ICE1: variants seen among roughly 807,000 people sequenced by gnomAD.
ICE1 encodes little elongation complex subunit 1.
A neutral mutation model predicts 192.7 loss-of-function variants in ICE1; 64 were observed. The ratio of observed to expected loss-of-function variants is 0.33; its 90% CI spans 0.27 to 0.41. ICE1 has a LOEUF of 0.41. Among genes scored for constraint, ICE1 ranks in the 10% least tolerant of loss-of-function variants. ICE1 has a pLI of 1.00. For missense variants in ICE1, 2,708 were observed against 2,696.0 expected (o/e 1.00, Z -0.10); for synonymous variants, 1,010 against 984.5 (o/e 1.03, Z -0.49).
chr5:5,447,254 A>G (rs1738256702), intron 7 of ICE1, among the ~76,000 whole-genome samples, 173 bp from the exon 8 acceptor site: 1 of 152,184 alleles, frequency 6.6e-6, no homozygotes, highest in African/African-American at 2.4e-5. Context: ...AGTACATTGC[A>G]TTCAGCCCTG....
chr5:5,458,436 T>G (rs1334013925), intron 12 of ICE1, among the ~76,000 whole-genome samples: 1 of 151,822 alleles, frequency 6.6e-6, no homozygotes, highest in Non-Finnish European at 1.5e-5. Context: ...TTCATTGCTG[T>G]GTAGAGCCCT....
At chr5:5,427,816 A>C (rs1047536849) in intron 1 of ICE1, among the ~76,000 whole-genome samples, 1 of 152,206 alleles carries the variant, frequency 6.6e-6, no homozygotes, top group Non-Finnish European at 1.5e-5. Flanking sequence ...CAGAAGAGGC[A>C]TGGAGCTCAT....
Position 5,461,036 on chromosome 5 carries a change from C to T in ICE1, c.1702C>T (p.Arg568Ter). 6.2e-7 allele frequency: 1 copy of T among 1,613,968 alleles called. No individual in the cohort carries two copies. The highest frequency in any genetic ancestry group is 2.2e-5 in the East Asian group (1 of 44,886). The change falls in exon 13 of 19, where the codon CGA (arginine) becomes TGA (stop). Residue 568 changes from arginine (R) to a stop codon, truncating the protein, a stop_gained. Coordinates refer to ENST00000296564, the MANE Select transcript of ICE1 (RefSeq NM_015325.3). LOFTEE classifies it high-confidence loss of function. ...CAAATCAGAGTTTACTAAGTGGACA[C>T]GAATTAATGAAATCACTTCTGAACC... is the stretch of plus-strand genomic sequence containing the variant. The part of the protein sequence containing the change: ...SPKSEFTKWT[R>*]INEITSEPDR...
At chr5:5,439,356 T>C (rs1207635146) in intron 3 of ICE1, among the ~76,000 whole-genome samples, 1 of 152,292 alleles carries the variant, frequency 6.6e-6, no homozygotes, top group East Asian at 1.9e-4. Flanking sequence ...GGAATTGTTT[T>C]TTGCTATCTT....
Position 5,460,731 on chromosome 5 carries a change from C to T in ICE1, c.1397C>T (p.Thr466Ile). ...HSLVGEKHWT[T>I]ASRSMSDRKR... is the part of the protein sequence containing the mutation. ...TTAGTTGGTGAAAAACACTGGACCA[C>T]AGCATCTCGATCCATGAGTGATAGA... is the stretch of plus-strand genomic sequence containing the variant. The change falls in exon 13 of 19, where the codon ACA (threonine) becomes ATA (isoleucine). Residue 466 changes from threonine (T) to isoleucine (I), a missense_variant. Physicochemically the swap from Thr to Ile is moderately conservative, Grantham distance 89. Around this residue, in one of 2 missense-constraint regions of ICE1, gnomAD observed 2,366 missense variants for 2,276.6 expected, o/e 1.04. Coordinates refer to ENST00000296564, the MANE Select transcript of ICE1 (RefSeq NM_015325.3). 1 of 1,613,974 alleles carries T rather than the reference C, an allele frequency of 6.2e-7. No individual in the cohort carries two copies. The highest frequency in any genetic ancestry group is 8.5e-7 in the Non-Finnish European group (1 of 1,179,900).
chr5:5,435,869 C>T (rs1337409162), intron 1 of ICE1, among the ~76,000 whole-genome samples: 1 of 151,980 alleles, frequency 6.6e-6, no homozygotes, highest in East Asian at 1.9e-4. Flanking sequence ...AGGGTTTCAC[C>T]ATGTTGGTCA....
chr5:5,458,277 T>A (rs1738646211), intron 12 of ICE1, among the ~76,000 whole-genome samples: 1 of 152,224 alleles, frequency 6.6e-6, no homozygotes, highest in African/African-American at 2.4e-5. Context: ...GCTCCTGGAA[T>A]CAGTTTCTTT....
chr5:5,477,707 C>T (rs1308789480), intron 17 of ICE1, among the ~76,000 whole-genome samples: 2 of 152,120 alleles, frequency 1.3e-5, no homozygotes, highest in African/African-American at 4.8e-5. Flanking sequence ...CCAACGTCTC[C>T]AGTGAACATC....
chr5:5,476,700 C>T (rs1206514092), intron 17 of ICE1, among the ~76,000 whole-genome samples: 8 of 152,174 alleles, frequency 5.3e-5, no homozygotes, highest in Non-Finnish European at 8.8e-5. Context: ...GCTCACCACA[C>T]GGATGGCCCA....
At chr5:5,447,693 A>G (rs1738276598) in intron 8 of ICE1, 28 bp from the exon 9 acceptor site, 1 of 1,549,342 alleles carries the variant, frequency 6.5e-7, no homozygotes, top group Non-Finnish European at 8.8e-7. Flanking sequence ...TATTCAGCAT[A>G]AACACTATTA....
chr5:5,486,697 T>C (rs1040286293), intron 17 of ICE1, 24 bp from the exon 18 acceptor site: 1 of 1,476,890 alleles, frequency 6.8e-7, no homozygotes, highest in African/African-American at 1.4e-5. Context: ...CTGGACTGTT[T>C]ACATTTTGGT....
intron 1 of ICE1, among the ~76,000 whole-genome samples, chr5:5,435,666 TTTTTTTG>T (rs1324659113): frequency 1.7e-5 from 2 of 118,478 alleles, no homozygotes; most frequent in African/African-American, 3.3e-5. Flanking sequence ...TGTTTTTTTT[TTTTTTTG>T]TTTTGTTTTT....
At chr5:5,434,500 G>A (rs1737812751) in intron 1 of ICE1, among the ~76,000 whole-genome samples, 1 of 152,146 alleles carries the variant, frequency 6.6e-6, no homozygotes, top group South Asian at 2.1e-4. Flanking sequence ...TGACATTGTT[G>A]TAAAATGAGC....
In ICE1 at chr5:5,489,825, A is replaced by G. The variant is rs1739743796; in HGVS notation, c.*495A>G. Reference sequence around the variant, plus strand: ...ATGAGTTGCAAAAGTTTTTCTCAAGATGTAGTGCGTAATTGATCAGAGCAA... The same window carrying G: ...ATGAGTTGCAAAAGTTTTTCTCAAGGTGTAGTGCGTAATTGATCAGAGCAA... On this transcript the variant is annotated 3_prime_UTR_variant, in exon 19 of 19. Coordinates refer to ENST00000296564, the MANE Select transcript of ICE1 (RefSeq NM_015325.3). 1 of 152,590 alleles carries G rather than the reference A, an allele frequency of 6.6e-6. No homozygotes were observed. The highest frequency in any genetic ancestry group is 2.1e-4 in the South Asian group (1 of 4,844). 9.5% of individuals were successfully genotyped at this position (152,590 alleles called of 1,614,324 possible).
Position 5,457,525 on chromosome 5 carries a change from C to A in ICE1, c.885C>A (p.Asp295Glu). Residue 295 changes from aspartate to glutamate, a missense_variant, in exon 12 of 19, where the codon GAC (aspartate) becomes GAA (glutamate). By Grantham distance (45) the Asp-to-Glu change is conservative. Transcript: ENST00000296564. ...QSSSGTNCSSDHVFNENGNLE... is the reference protein window; with the variant it reads ...QSSSGTNCSSEHVFNENGNLE... The stretch of plus-strand genomic sequence containing the variant: ...CCAGTGGAACAAATTGTAGTTCTGA[C>A]CATGTTTTTAATGAGAATGGAAATC... 1 of 1,613,860 alleles carries A rather than the reference C, an allele frequency of 6.2e-7. No homozygotes were observed. The highest frequency in any genetic ancestry group is 8.5e-7 in the Non-Finnish European group (1 of 1,179,824).
At chr5:5,430,282 A>G (rs893821421) in intron 1 of ICE1, among the ~76,000 whole-genome samples, 1 of 152,146 alleles carries the variant, frequency 6.6e-6, no homozygotes, top group Non-Finnish European at 1.5e-5. Context: ...CATAAATGAC[A>G]TCTGAATCTG....
rs143541051 is a variant in ICE1 at position 5,457,634 on chromosome 5, G to A, written c.994G>A (p.Ala332Thr). The A allele has an allele frequency of 5.8e-5, 94 of 1,613,942 alleles. No individual in the cohort carries two copies. The highest frequency in any genetic ancestry group is 7.5e-5 in the Non-Finnish European group (89 of 1,179,850). Reference sequence around the variant, plus strand: ...TCATTTTTTTGATGAAGATCTTCAAGCTGCAATTGACTTCTTCAAACTTCC... The same window carrying A: ...TCATTTTTTTGATGAAGATCTTCAAACTGCAATTGACTTCTTCAAACTTCC... ...HDHFFDEDLQ[A>T]AIDFFKLPPP... The change falls in exon 12 of 19, where the codon GCT becomes ACT. Residue 332 changes from alanine to threonine, a missense_variant. Physicochemically the swap from Ala to Thr is moderately conservative, Grantham distance 58. This residue lies in a region of ICE1 where 2,366 missense variants were observed against 2,276.6 expected (regional missense o/e 1.04). Coordinates refer to ENST00000296564, the MANE Select transcript of ICE1 (RefSeq NM_015325.3).
chr5:5,465,306 G>A (rs1460673292), intron 13 of ICE1, 80 bp downstream of exon 13: 1 of 977,390 alleles, frequency 1.0e-6, no homozygotes. Context: ...AGCAAAATGT[G>A]TAGATGACCA....
At chr5:5,470,446 G>A (rs540969527) in intron 15 of ICE1, among the ~76,000 whole-genome samples, 1 of 152,274 alleles carries the variant, frequency 6.6e-6, no homozygotes, top group South Asian at 2.1e-4. Flanking sequence ...TTTAGTAAAT[G>A]TATTTGCTAA....
Sources: gnomAD v4.1 joint callset for allele counts (sites outside exome capture counted in the v4.1 genomes callset) on GRCh38, gnomAD v4.1.1 for gene constraint, gnomAD v4.1.1 regional missense constraint, MANE v1.5 for transcripts, NCBI Gene and HGNC (gene_info 2026-07-23, HGNC 2026-07-21) for gene names.